TBC1D19: variants seen among roughly 807,000 people sequenced by gnomAD.
The protein encoded by TBC1D19 is TBC1 domain family, member 19.
A neutral mutation model predicts 89.0 loss-of-function variants in TBC1D19; 60 were observed. That is an observed-to-expected ratio of 0.67 (90% CI 0.55 to 0.84). The LOEUF (loss-of-function observed/expected upper bound fraction) is 0.84, where lower values mean the gene tolerates loss of function less well. Ranked by LOEUF, TBC1D19 falls within the 40% of genes least tolerant of loss-of-function variation. TBC1D19 has a pLI of 0.00. For missense variants in TBC1D19, 500 were observed against 610.8 expected (o/e 0.82, Z 1.91); for synonymous variants, 189 against 199.7 (o/e 0.95, Z 0.45).
intron 7 of TBC1D19, among the ~76,000 whole-genome samples, chr4:26,641,482 G>A (rs925390819): frequency 6.6e-6 from 1 of 152,222 alleles, no homozygotes; most frequent in Non-Finnish European, 1.5e-5. Flanking sequence ...AACCAGAGCA[G>A]AAAAGCTGAA....
At chr4:26,832,153 C>G in the TBC1D19 span, among the ~76,000 whole-genome samples, 1 of 152,254 alleles carries the variant, frequency 6.6e-6, no homozygotes, top group African/African-American at 2.4e-5. Flanking sequence ...GGGGATAAGA[C>G]AAAAATAAAA....
At chr4:26,660,485 C>G (rs929183223) in intron 8 of TBC1D19, among the ~76,000 whole-genome samples, 1 of 152,122 alleles carries the variant, frequency 6.6e-6, no homozygotes, top group Non-Finnish European at 1.5e-5. Flanking sequence ...CTTTCAGCTC[C>G]AAATTCTCCT....
intron 13 of TBC1D19, among the ~76,000 whole-genome samples, chr4:26,691,590 T>A (rs1192220946): frequency 6.6e-6 from 1 of 152,230 alleles, no homozygotes. Context: ...ATTAGCATTT[T>A]TTTTTTAGCA....
At chr4:26,634,069 A>G (rs886322812) in intron 4 of TBC1D19, among the ~76,000 whole-genome samples, 1 of 145,840 alleles carries the variant, frequency 6.9e-6, no homozygotes, top group African/African-American at 2.7e-5. Context: ...ATAAAAGAGT[A>G]TTTTGCAAAA....
chr4:26,652,883 T>G (rs1744499672), intron 7 of TBC1D19, among the ~76,000 whole-genome samples: 1 of 152,180 alleles, frequency 6.6e-6, no homozygotes, highest in South Asian at 2.1e-4. Flanking sequence ...TCTTCTCTGA[T>G]CTTAGTTATT....
the TBC1D19 span, among the ~76,000 whole-genome samples, chr4:26,765,289 G>A: frequency 2.6e-5 from 4 of 152,070 alleles, no homozygotes; most frequent in African/African-American, 9.7e-5. Flanking sequence ...CACTTTCGGG[G>A]AGGAGAGAAA....
At chr4:26,734,982 GTATA>G in intron 15 of TBC1D19, among the ~76,000 whole-genome samples, 1 of 149,068 alleles carries the variant, frequency 6.7e-6, no homozygotes, top group Non-Finnish European at 1.5e-5. Context: ...ATACACATAT[GTATA>G]TGTATATATG....
intron 1 of TBC1D19, among the ~76,000 whole-genome samples, chr4:26,610,077 G>A (rs1324057776): frequency 6.6e-6 from 1 of 152,094 alleles, no homozygotes; most frequent in African/African-American, 2.4e-5. Flanking sequence ...AAGTAAGGTG[G>A]CAAGAAGCCC....
chr4:26,809,969 T>C, the TBC1D19 span, among the ~76,000 whole-genome samples: 1 of 152,234 alleles, frequency 6.6e-6, no homozygotes, highest in African/African-American at 2.4e-5. Context: ...TTCTTGTACA[T>C]GGCCAGGGGC....
At position 26,577,337 on chromosome 4, in the gene TBC1D19, A is replaced by G. The variant is rs1577736480; in HGVS notation, c.6+540A>G. Among the ~76,000 whole-genome samples, 8 of 150,906 alleles carry G rather than the reference A, an allele frequency of 5.3e-5. No individual in the cohort carries two copies. In the South Asian group the frequency reaches 1.7e-3, roughly 32 times the overall value. ...TGTCTGTGTGTGTGTGTATTCTCCT[A>G]TTTGTTGGACTCCTCTTGGGAACTT... On this transcript the variant is annotated intron_variant, in intron 1 of 12. Transcript: ENST00000512840.
the TBC1D19 span, among the ~76,000 whole-genome samples, chr4:26,807,112 C>G: frequency 6.6e-6 from 1 of 152,166 alleles, no homozygotes; most frequent in Admixed American, 6.5e-5. Context: ...CAAGAGCTCT[C>G]CCTGTCCTTT....
At chr4:26,669,567 G>C (rs1027365013) in intron 9 of TBC1D19, among the ~76,000 whole-genome samples, 12 of 151,680 alleles carry the variant, frequency 7.9e-5, no homozygotes, top group African/African-American at 2.7e-4. Flanking sequence ...ACAGAAAATA[G>C]CATTTAAAAA....
At chr4:26,811,907 A>G in the TBC1D19 span, among the ~76,000 whole-genome samples, 1 of 152,180 alleles carries the variant, frequency 6.6e-6, no homozygotes, top group Non-Finnish European at 1.5e-5. Flanking sequence ...GTTATCAGCA[A>G]GGCCTTTTTG....
intron 4 of TBC1D19, 68 bp downstream of exon 4, chr4:26,620,756 T>A: frequency 7.2e-7 from 1 of 1,386,524 alleles, no homozygotes; most frequent in Non-Finnish European, 1.0e-6. Context: ...AAAAGATCAT[T>A]ACTGATGTCA....
chr4:26,792,523 G>C, the TBC1D19 span, among the ~76,000 whole-genome samples: 3 of 152,120 alleles, frequency 2.0e-5, no homozygotes, highest in Admixed American at 1.3e-4. Context: ...GCGAATATGG[G>C]GTCAGGAAAA....
chr4:26,594,717 CTT>C (rs988401107), intron 1 of TBC1D19, among the ~76,000 whole-genome samples: 2 of 152,186 alleles, frequency 1.3e-5, no homozygotes, highest in African/African-American at 2.4e-5. Context: ...TAACTTAACT[CTT>C]TGTTCAGGGC....
chr4:26,802,556 C>T, the TBC1D19 span, among the ~76,000 whole-genome samples: 111 of 152,140 alleles, frequency 7.3e-4, no homozygotes, highest in Non-Finnish European at 1.5e-3. Context: ...GAGCCAAGAT[C>T]TCACCACTGC....
chr4:26,840,506 G>C, the TBC1D19 span, among the ~76,000 whole-genome samples: 3 of 152,190 alleles, frequency 2.0e-5, 1 homozygote, highest in South Asian at 4.1e-4. Flanking sequence ...CTCTGGGCCT[G>C]GTTCTTTATA....
intron 1 of TBC1D19, among the ~76,000 whole-genome samples, chr4:26,592,592 T>C (rs1272917576): frequency 6.6e-6 from 1 of 152,044 alleles, no homozygotes; most frequent in East Asian, 1.9e-4. Flanking sequence ...GAAAACCCCA[T>C]CGTCTCAGCC....
Sources: gnomAD v4.1 joint callset for allele counts (sites outside exome capture counted in the v4.1 genomes callset) on GRCh38, gnomAD v4.1.1 for gene constraint, MANE v1.5 for transcripts, NCBI Gene and HGNC (gene_info 2026-07-23, HGNC 2026-07-21) for gene names.